PHACTR1: variants seen among roughly 807,000 people sequenced by gnomAD.
PHACTR1 encodes the protein RPEL repeat containing 1.
In PHACTR1, 16 loss-of-function variants were observed where a neutral mutation model predicts 69.2. That is an observed-to-expected ratio of 0.23 (90% confidence interval 0.16 to 0.35). PHACTR1 has a LOEUF of 0.35. Ranked by LOEUF, PHACTR1 falls within the 10% of genes least tolerant of loss-of-function variation. The pLI is 1.00. For synonymous variants in PHACTR1, 312 were observed against 284.5 expected (o/e 1.10, Z -0.97); for missense variants, 510 against 734.7 (o/e 0.69, Z 3.54).
intron 5 of PHACTR1, among the ~76,000 whole-genome samples, chr6:13,109,371 T>G (rs11962390): frequency 0.071 from 10,862 of 152,086 alleles, 1,319 homozygotes; most frequent in African/African-American, 0.25. Context: ...TGAAAAGTTC[T>G]TGATTTTACC....
At chr6:13,073,275 G>A (rs1410893952) in intron 5 of PHACTR1, among the ~76,000 whole-genome samples, 1 of 141,668 alleles carries the variant, frequency 7.1e-6, no homozygotes, top group African/African-American at 2.7e-5. Flanking sequence ...TTCTTAGGTA[G>A]TTCCCTAAGA....
At chr6:12,834,085 CTTA>C (rs1274522025) in intron 4 of PHACTR1, among the ~76,000 whole-genome samples, 1 of 152,170 alleles carries the variant, frequency 6.6e-6, no homozygotes, top group Non-Finnish European at 1.5e-5. Flanking sequence ...TGCAATAGCA[CTTA>C]TTGTTCTCTG....
intron 8 of PHACTR1, among the ~76,000 whole-genome samples, chr6:13,224,022 G>A (rs1238762778): frequency 6.6e-6 from 1 of 152,116 alleles, no homozygotes; most frequent in Non-Finnish European, 1.5e-5. Flanking sequence ...TTTTGAACAT[G>A]TTTTGCTGAC....
intron 4 of PHACTR1, among the ~76,000 whole-genome samples, chr6:12,970,446 G>C (rs987944096): frequency 1.3e-5 from 2 of 152,178 alleles, no homozygotes; most frequent in African/African-American, 4.8e-5. Flanking sequence ...GTGCACAGCA[G>C]TATTTTAGAA....
At chr6:13,177,379 C>CTA (rs879944972) in intron 6 of PHACTR1, among the ~76,000 whole-genome samples, 27,819 of 145,366 alleles carry the variant, frequency 0.19, 3,084 homozygotes, top group Admixed American at 0.29. Flanking sequence ...CTCTCTCTCT[C>CTA]TCTATATATA....
intron 4 of PHACTR1, among the ~76,000 whole-genome samples, chr6:12,826,518 T>C (rs1421442193): frequency 6.6e-6 from 1 of 152,204 alleles, no homozygotes; most frequent in East Asian, 1.9e-4. Flanking sequence ...TGTAGCCAGT[T>C]TGCCTCTTGT....
chr6:13,060,385 T>C (rs1429367837), intron 5 of PHACTR1, among the ~76,000 whole-genome samples: 5 of 152,278 alleles, frequency 3.3e-5, no homozygotes, highest in African/African-American at 1.2e-4. Flanking sequence ...GGAGGAAATC[T>C]ATGTGTGTCT....
rs750603418 is a variant in PHACTR1, at chr6:13,064,619, T to C, written c.415+11090T>C. ...ATATATATATATCTATATATCTATC[T>C]ATCCACACTTGCCAGACTATGGAGG... is the stretch of plus-strand genomic sequence containing the variant. On this transcript the variant is annotated intron_variant, in intron 5 of 14. Coordinates refer to ENST00000332995, the MANE Select transcript of PHACTR1 (RefSeq NM_030948.6). Among the ~76,000 whole-genome samples, 5 of 25,982 alleles carry C rather than the reference T, an allele frequency of 1.9e-4. 1 individual carries two copies. Among genetic ancestry groups the C allele is most frequent in the Non-Finnish European group, 3.3e-4 (5 of 14,996 alleles). The allele number at this position is 25,982 out of a possible 152,430, so 17.0% of individuals were successfully genotyped here.
chr6:13,206,104 A>G lies in PHACTR1; in HGVS notation c.954A>G (p.Lys318=), dbSNP rs1187294587. ...SGCRMIDELN[K]TLAMTMQRLE... ...GCAGAATGATAGACGAGCTCAACAA[A>G]ACGCTGGCCATGACCATGCAGAGGC... Residue 318 remains lysine, a synonymous_variant, in exon 8 of 15, where the codon AAA becomes AAG. Coordinates refer to ENST00000332995, the MANE Select transcript of PHACTR1 (RefSeq NM_030948.6). 1.9e-6 allele frequency: 3 copies of G among 1,609,770 alleles called. No homozygotes were observed. Among genetic ancestry groups the G allele is most frequent in the African/African-American group, 2.7e-5 (2 of 74,734 alleles).
intron 13 of PHACTR1, among the ~76,000 whole-genome samples, chr6:13,285,422 C>T (rs1172626207): frequency 6.6e-6 from 1 of 152,188 alleles, no homozygotes; most frequent in Non-Finnish European, 1.5e-5. Flanking sequence ...AGAAGGCACA[C>T]GTTTGCAATT....
At chr6:13,027,708 C>T (rs1444522227) in intron 4 of PHACTR1, among the ~76,000 whole-genome samples, 1 of 151,820 alleles carries the variant, frequency 6.6e-6, no homozygotes, top group Non-Finnish European at 1.5e-5. Flanking sequence ...CAGAGTCTCA[C>T]TCTGCCACCC....
At chr6:12,981,638 A>G (rs567440900) in intron 4 of PHACTR1, among the ~76,000 whole-genome samples, 14 of 152,264 alleles carry the variant, frequency 9.2e-5, no homozygotes, top group Non-Finnish European at 1.5e-4. Context: ...GAATTTTATC[A>G]TGGGATCGCT....
At chr6:13,148,692 A>G (rs187915961) in intron 5 of PHACTR1, among the ~76,000 whole-genome samples, 1 of 152,344 alleles carries the variant, frequency 6.6e-6, no homozygotes, top group African/African-American at 2.4e-5. Context: ...GACATGGTCT[A>G]CCTCATACTG....
chr6:12,970,410 A>G (rs1407130238), intron 4 of PHACTR1, among the ~76,000 whole-genome samples: 3 of 152,224 alleles, frequency 2.0e-5, no homozygotes, highest in Non-Finnish European at 4.4e-5. Flanking sequence ...TTATTTAAAT[A>G]TTAAACCCAA....
chr6:13,194,865 G>A (rs3932444), intron 7 of PHACTR1, among the ~76,000 whole-genome samples: 12,791 of 152,134 alleles, frequency 0.084, 1,288 homozygotes, highest in East Asian at 0.57. Flanking sequence ...CCAGGGTTGT[G>A]TATGTTATCA....
chr6:13,149,750 CA>C (rs1824013847), intron 5 of PHACTR1, among the ~76,000 whole-genome samples: 9 of 152,098 alleles, frequency 5.9e-5, no homozygotes, highest in Admixed American at 5.9e-4. Context: ...CCCTGGGCCA[CA>C]TGCAGCCCAA....
At chr6:13,126,969 G>A (rs1436205226) in intron 5 of PHACTR1, among the ~76,000 whole-genome samples, 1 of 152,172 alleles carries the variant, frequency 6.6e-6, no homozygotes, top group East Asian at 1.9e-4. Context: ...GTATACAAAT[G>A]TATTTAATGC....
intron 5 of PHACTR1, among the ~76,000 whole-genome samples, chr6:13,124,826 TTCTTA>T (rs1819276239): frequency 1.3e-5 from 2 of 152,348 alleles, no homozygotes; most frequent in African/African-American, 2.4e-5. Flanking sequence ...CTGGTGTCTC[TTCTTA>T]TAAGTATGTC....
At chr6:13,133,468 A>AT (rs904621015) in intron 5 of PHACTR1, among the ~76,000 whole-genome samples, 34 of 150,764 alleles carry the variant, frequency 2.3e-4, no homozygotes, top group Admixed American at 4.6e-4. Flanking sequence ...TGGTTTTCGT[A>AT]TTTTTTTTGG....
Sources: allele counts gnomAD v4.1 joint callset (sites outside exome capture counted in the v4.1 genomes callset), GRCh38; gene constraint gnomAD v4.1.1; transcripts MANE v1.5; gene names NCBI Gene and HGNC (gene_info 2026-07-23, HGNC 2026-07-21).